RPS6KC1: variants seen among roughly 807,000 people sequenced by gnomAD.
RPS6KC1 encodes inactive ribosomal protein S6 kinase delta-1.
A neutral mutation model predicts 103.8 loss-of-function variants in RPS6KC1; 54 were observed. The ratio of observed to expected loss-of-function variants is 0.52; its 90% CI spans 0.42 to 0.65. The LOEUF (loss-of-function observed/expected upper bound fraction) is 0.65. Ranked by LOEUF, RPS6KC1 falls within the 30% of genes least tolerant of loss-of-function variation. The pLI is 0.00. For missense variants in RPS6KC1, 1,151 were observed against 1,253.8 expected, an observed-to-expected ratio of 0.92 and a Z score of 1.24; for synonymous variants, 439 against 438.7, an observed-to-expected ratio of 1.00 and a Z score of -0.01.
rs532371553 is a variant in RPS6KC1, at chr1:213,058,057, AC to A, written c.105+6550del. Among the ~76,000 whole-genome samples, 349 of 114,452 alleles carry A rather than the reference AC, an allele frequency of 3.0e-3. 3 individuals carry two copies. The highest frequency in any genetic ancestry group is 8.8e-3 in the South Asian group (32 of 3,636). 75.1% of individuals were successfully genotyped at this position (114,452 alleles called of 152,430 possible). A position where few individuals can be genotyped will look rare whatever the true frequency, so the allele number is the denominator to read the frequency against. Reference sequence around the variant, plus strand: ...TGCTGGGATTACAGACGTGCGCCTGACCTTTTTTTTTTTTTTTTTTTTTTTT... The same window carrying A: ...TGCTGGGATTACAGACGTGCGCCTGACTTTTTTTTTTTTTTTTTTTTTTTT... On this transcript the variant is annotated intron_variant, in intron 1 of 14. Coordinates refer to ENST00000366960, the MANE Select transcript of RPS6KC1 (RefSeq NM_012424.6).
At chr1:213,320,267 T>A in the RPS6KC1 span, among the ~76,000 whole-genome samples, 1 of 152,228 alleles carries the variant, frequency 6.6e-6, no homozygotes, top group South Asian at 2.1e-4. Flanking sequence ...AGGAGAGTGA[T>A]TCAGTCAGGT....
chr1:213,307,178 T>C, the RPS6KC1 span, among the ~76,000 whole-genome samples: 7 of 151,362 alleles, frequency 4.6e-5, no homozygotes, highest in South Asian at 1.5e-3. Flanking sequence ...TTCTCCTGCC[T>C]TAGCCTCTCC....
chr1:213,518,512 C>G, the RPS6KC1 span, among the ~76,000 whole-genome samples: 1 of 152,186 alleles, frequency 6.6e-6, no homozygotes, highest in South Asian at 2.1e-4. Context: ...GCAGGGAGCC[C>G]TGACCTGCTG....
chr1:213,453,928 G>A, the RPS6KC1 span, among the ~76,000 whole-genome samples: 2 of 152,156 alleles, frequency 1.3e-5, no homozygotes, highest in Admixed American at 1.3e-4. Flanking sequence ...TTTGCAACAA[G>A]TTGAAAAACT....
At chr1:213,511,975 A>G in the RPS6KC1 span, among the ~76,000 whole-genome samples, 1 of 152,216 alleles carries the variant, frequency 6.6e-6, no homozygotes, top group African/African-American at 2.4e-5. Context: ...CAGCCAGAAC[A>G]CCACCCGCTA....
intron 6 of RPS6KC1, among the ~76,000 whole-genome samples, chr1:213,157,215 A>AT (rs566969624): frequency 0.011 from 1,621 of 141,084 alleles, 47 homozygotes; most frequent in South Asian, 0.069. Flanking sequence ...CCAATTTTTA[A>AT]TTTTTTTTTT....
At chr1:213,060,936 C>G (rs1427762332) in intron 1 of RPS6KC1, among the ~76,000 whole-genome samples, 1 of 151,812 alleles carries the variant, frequency 6.6e-6, no homozygotes, top group African/African-American at 2.4e-5. Context: ...ATAGACATTT[C>G]TTTCCCACAG....
chr1:213,744,334 T>C, the RPS6KC1 span, among the ~76,000 whole-genome samples: 1 of 152,312 alleles, frequency 6.6e-6, no homozygotes, highest in East Asian at 1.9e-4. Context: ...TCTATCAGCC[T>C]CTAGCCAAGA....
At chr1:213,564,735 C>A in the RPS6KC1 span, among the ~76,000 whole-genome samples, 1 of 152,166 alleles carries the variant, frequency 6.6e-6, no homozygotes, top group Non-Finnish European at 1.5e-5. Context: ...TTTCTCTCAG[C>A]CCAAAGGTTA....
At chr1:213,262,571 T>A in intron 13 of RPS6KC1, 150 bp from the exon 14 acceptor site, 2 of 621,862 alleles carry the variant, frequency 3.2e-6, no homozygotes, top group Non-Finnish European at 2.9e-6. Flanking sequence ...ACAGCCCTCA[T>A]CCTAAACTGC....
chr1:213,569,591 A>C, the RPS6KC1 span, among the ~76,000 whole-genome samples: 1 of 151,752 alleles, frequency 6.6e-6, no homozygotes. Context: ...TTTCAATAGG[A>C]GTTGGTATTT....
the RPS6KC1 span, among the ~76,000 whole-genome samples, chr1:213,545,722 T>C: frequency 1.3e-5 from 2 of 152,060 alleles, no homozygotes; most frequent in Non-Finnish European, 2.9e-5. Context: ...CCCATATGAG[T>C]ATCTTAGATT....
the RPS6KC1 span, among the ~76,000 whole-genome samples, chr1:213,813,043 G>A: frequency 6.6e-6 from 1 of 152,062 alleles, no homozygotes; most frequent in East Asian, 1.9e-4. Context: ...ACGAGGTCAA[G>A]AGATCAAGAC....
intron 3 of RPS6KC1, among the ~76,000 whole-genome samples, chr1:213,091,491 CT>C (rs2080961897): frequency 6.6e-6 from 1 of 152,134 alleles, no homozygotes; most frequent in Admixed American, 6.5e-5. Context: ...ACCTTTTGTA[CT>C]TTGTTACATT....
rs2083312726 is a variant in RPS6KC1, at chr1:213,114,045, T to C, written c.379-3272T>C. On this transcript the variant is annotated intron_variant, in intron 4 of 14. Coordinates refer to ENST00000366960, the MANE Select transcript of RPS6KC1 (RefSeq NM_012424.6). ...TTAGGATTGACTTGGCGATGTGGGCTCTTTTTTGGTTCCATATGAACTTTA... is the reference window on the plus strand; with the variant it reads ...TTAGGATTGACTTGGCGATGTGGGCCCTTTTTTGGTTCCATATGAACTTTA... Among the ~76,000 whole-genome samples, 7 of 152,170 alleles carry C rather than the reference T, an allele frequency of 4.6e-5. 1 individual carries two copies. In the South Asian group the frequency reaches 1.0e-3, roughly 23 times the overall value.
At chr1:213,402,958 C>CAAAAAAAAAAAAAAAAA in the RPS6KC1 span, among the ~76,000 whole-genome samples, 1 of 111,516 alleles carries the variant, frequency 9.0e-6, no homozygotes, top group Non-Finnish European at 1.8e-5. Context: ...ACTAAAAATA[C>CAAAAAAAAAAAAAAAAA]AAAAAAAAAA....
chr1:213,579,038 G>A, the RPS6KC1 span, among the ~76,000 whole-genome samples: 1 of 152,032 alleles, frequency 6.6e-6, no homozygotes, highest in Non-Finnish European at 1.5e-5. Flanking sequence ...GGACCCTGGT[G>A]GGAGGTAATT....
At chr1:213,738,012 G>A in the RPS6KC1 span, among the ~76,000 whole-genome samples, 2 of 152,180 alleles carry the variant, frequency 1.3e-5, no homozygotes, top group African/African-American at 4.8e-5. Context: ...TCTCCAAGGT[G>A]TGAAGCTATT....
the RPS6KC1 span, among the ~76,000 whole-genome samples, chr1:213,397,736 C>A: frequency 6.6e-6 from 1 of 152,016 alleles, no homozygotes; most frequent in African/African-American, 2.4e-5. Flanking sequence ...ATTTTAAAAG[C>A]AAATGGACTC....
Sources: allele counts gnomAD v4.1 joint callset (sites outside exome capture counted in the v4.1 genomes callset), GRCh38; gene constraint gnomAD v4.1.1; transcripts MANE v1.5; gene names NCBI Gene and HGNC (gene_info 2026-07-23, HGNC 2026-07-21).